Variants in SLCO3A1 observed in about 807,000 individuals in gnomAD.
SLCO3A1 encodes PGE1 transporter.
SLCO3A1 carries 27 observed loss-of-function variants against 63.1 expected under a neutral mutation model. The ratio of observed to expected loss-of-function variants is 0.43; its 90% confidence interval spans 0.32 to 0.59. SLCO3A1 has a LOEUF of 0.59. Among genes scored for constraint, SLCO3A1 ranks in the 20% least tolerant of loss-of-function variants. SLCO3A1 has a pLI of 0.09. For missense variants in SLCO3A1, 773 were observed against 945.8 expected (o/e 0.82, Z 2.40); for synonymous variants, 473 against 409.9 (o/e 1.15, Z -1.86).
rs760689488 is a variant in SLCO3A1, at chr15:92,104,283, C to G, written c.750C>G (p.Asn250Lys). 6.2e-7 allele frequency: 1 copy of G among 1,614,118 alleles called. No homozygotes were observed. Among genetic ancestry groups the G allele is most frequent in the South Asian group, 1.1e-5 (1 of 91,076 alleles). Residue 250 changes from asparagine to lysine, a missense_variant, in exon 4 of 10, where the codon AAC becomes AAG. Physicochemically the swap from Asn to Lys is moderately conservative, Grantham distance 94. Transcript: ENST00000318445. ...YVDAVFIDTSNLDITPDDPRW... is the reference protein window; with the variant it reads ...YVDAVFIDTSKLDITPDDPRW... ...CTGTGCTCTTTCCATTTACAGGTAACCTGGACATCACTCCGGACGACCCCC... is the reference window on the plus strand; with the variant it reads ...CTGTGCTCTTTCCATTTACAGGTAAGCTGGACATCACTCCGGACGACCCCC...
In SLCO3A1 at chr15:91,954,563, A is replaced by G. The variant is rs1900106424; in HGVS notation, c.646+38105A>G. On this transcript the variant is annotated intron_variant, in intron 2 of 9. Transcript: ENST00000318445. The surrounding 1 kb of genome is among the most constrained non-coding windows in gnomAD (Gnocchi z 4.7). ...AGGTGCCCCGCAGGCTTTCCTGAGA[A>G]GTGAATCCAGGCGCAGAAGGAAGAG... is the stretch of plus-strand genomic sequence containing the variant. Among the ~76,000 whole-genome samples the G allele has an allele frequency of 6.6e-6, 1 of 152,196 alleles. No individual in the cohort carries two copies. Among genetic ancestry groups the G allele is most frequent in the African/African-American group, 2.4e-5 (1 of 41,454 alleles).
At chr15:92,120,000 T>C (rs989244260) in intron 4 of SLCO3A1, among the ~76,000 whole-genome samples, 8 of 151,658 alleles carry the variant, frequency 5.3e-5, no homozygotes, top group African/African-American at 7.3e-5. Flanking sequence ...TTCTTACACA[T>C]ATATATATAT....
At chr15:92,023,029 G>A (rs534270518) in intron 2 of SLCO3A1, among the ~76,000 whole-genome samples, 5 of 152,260 alleles carry the variant, frequency 3.3e-5, no homozygotes, top group South Asian at 2.1e-4. Context: ...CAGCAAAACC[G>A]TTCACTTTAC....
At chr15:92,141,879 C>A (rs1297437360) in intron 7 of SLCO3A1, among the ~76,000 whole-genome samples, 1 of 152,190 alleles carries the variant, frequency 6.6e-6, no homozygotes, top group Non-Finnish European at 1.5e-5. Context: ...TGCCATCTGA[C>A]CACAACTGCA....
intron 4 of SLCO3A1, among the ~76,000 whole-genome samples, chr15:92,114,093 G>A (rs1596113005): frequency 1.3e-5 from 2 of 152,288 alleles, no homozygotes; most frequent in African/African-American, 2.4e-5. Flanking sequence ...GTCAGAGCTG[G>A]TCCTCCTGCA....
At chr15:91,919,069 A>T (rs1567185381) in intron 2 of SLCO3A1, among the ~76,000 whole-genome samples, 1 of 152,232 alleles carries the variant, frequency 6.6e-6, no homozygotes, top group Admixed American at 6.5e-5. Flanking sequence ...AATGATCAAC[A>T]TGCACAGCTC....
At chr15:92,084,504 C>A (rs1357588059) in intron 2 of SLCO3A1, among the ~76,000 whole-genome samples, 3 of 152,174 alleles carry the variant, frequency 2.0e-5, no homozygotes, top group Admixed American at 6.5e-5. Context: ...GCCTTGACAC[C>A]GATCCTCCCT....
intron 7 of SLCO3A1, among the ~76,000 whole-genome samples, chr15:92,137,435 C>G (rs1354810127): frequency 1.0e-5 from 1 of 98,138 alleles, no homozygotes; most frequent in African/African-American, 6.0e-5. Context: ...AATAAACATA[C>G]GTGTGCATGT....
chr15:92,147,209 T>C lies in SLCO3A1; in HGVS notation c.1688+50T>C, dbSNP rs75076117. On this transcript the variant is annotated intron_variant, in intron 8 of 9. Transcript: ENST00000318445. The stretch of plus-strand genomic sequence containing the variant: ...TCTCCTCCTTTCCACCTGGTGTTCA[T>C]CTGCAGGCCTCCTAGGGACCAGAGC... The C allele has an allele frequency of 3.4e-4, 534 of 1,548,752 alleles. 1 individual carries two copies. In the African/African-American group the frequency reaches 6.6e-3, roughly 19 times the overall value.
At chr15:91,966,732 A>G (rs1371843145) in intron 2 of SLCO3A1, among the ~76,000 whole-genome samples, 1 of 152,232 alleles carries the variant, frequency 6.6e-6, no homozygotes, top group Non-Finnish European at 1.5e-5. Flanking sequence ...GTGTATTAGA[A>G]TGTCTCAGCA....
intron 2 of SLCO3A1, among the ~76,000 whole-genome samples, chr15:92,063,864 C>A (rs1387638454): frequency 2.0e-5 from 3 of 152,094 alleles, no homozygotes; most frequent in East Asian, 1.9e-4. Context: ...AGCAAACAAA[C>A]AAAAAAATCA....
intron 2 of SLCO3A1, among the ~76,000 whole-genome samples, chr15:92,079,637 C>T (rs1199630095): frequency 3.9e-5 from 6 of 152,222 alleles, no homozygotes; most frequent in African/African-American, 1.4e-4. Context: ...CTGAGGTTCC[C>T]GCGGCCAGGG....
intron 2 of SLCO3A1, among the ~76,000 whole-genome samples, chr15:91,973,941 C>T (rs1815945071): frequency 6.6e-6 from 1 of 152,168 alleles, no homozygotes; most frequent in African/African-American, 2.4e-5. Context: ...TCATTCCTGG[C>T]TCAAAATTCA....
chr15:92,129,820 A>G (rs1263057653), intron 7 of SLCO3A1, among the ~76,000 whole-genome samples: 1 of 142,984 alleles, frequency 7.0e-6, no homozygotes, highest in African/African-American at 2.6e-5. Flanking sequence ...TGTGTTTAGC[A>G]TTTAGATTCC....
At chr15:92,079,299 T>C (rs941714575) in intron 2 of SLCO3A1, among the ~76,000 whole-genome samples, 1 of 152,192 alleles carries the variant, frequency 6.6e-6, no homozygotes, top group Non-Finnish European at 1.5e-5. Context: ...ACTCTGGTCT[T>C]GGGAGCTGTG....
At chr15:92,124,978 C>T (rs74703718) in intron 5 of SLCO3A1, among the ~76,000 whole-genome samples, 2,525 of 152,284 alleles carry the variant, frequency 0.017, 73 homozygotes, top group African/African-American at 0.058. Flanking sequence ...TGGCTCATGA[C>T]ATCACTCCTA....
rs1896836838 is a variant in SLCO3A1 at position 91,853,793 on chromosome 15, C to T, written c.-116C>T. The stretch of plus-strand genomic sequence containing the variant: ...AGGACGGGGGCGGCCGCCGCGAACC[C>T]GGGGCGGGGACAGCACGCAGCCTCG... On this transcript the variant is annotated 5_prime_UTR_variant, in exon 1 of 10. Coordinates refer to ENST00000318445, the MANE Select transcript of SLCO3A1 (RefSeq NM_013272.4). The T allele has an allele frequency of 9.9e-7, 1 of 1,010,452 alleles. No homozygotes were observed. 62.6% of individuals were successfully genotyped at this position (1,010,452 alleles called of 1,614,324 possible). A position where few individuals can be genotyped will look rare whatever the true frequency, so the allele number is the denominator to read the frequency against.
At position 92,162,410 on chromosome 15, in the gene SLCO3A1, A is replaced by C. The variant is rs140758091; in HGVS notation, c.1754-346A>C. The C allele has an allele frequency of 5.4e-3, 1,098 of 203,848 alleles. 14 individuals carry two copies. Among genetic ancestry groups the C allele is most frequent in the African/African-American group, 0.024 (1,047 of 42,744 alleles). 12.6% of individuals were successfully genotyped at this position (203,848 alleles called of 1,614,324 possible). A position where few individuals can be genotyped will look rare whatever the true frequency, so the allele number is the denominator to read the frequency against. On this transcript the variant is annotated intron_variant, in intron 9 of 9. Transcript: ENST00000318445. ...GGTGATCCACCTGCTTCAGCCTCCCAAAGTGCTGGAATTACAGGTGTGAGC... is the reference window on the plus strand; with the variant it reads ...GGTGATCCACCTGCTTCAGCCTCCCCAAGTGCTGGAATTACAGGTGTGAGC...
intron 9 of SLCO3A1, among the ~76,000 whole-genome samples, chr15:92,154,331 T>TGTAGAGCAAGTTGGGAGTG: frequency 6.6e-6 from 1 of 152,236 alleles, no homozygotes; most frequent in East Asian, 1.9e-4. Flanking sequence ...GAAGAAAGGA[T>TGTAGAGCAAGTTGGGAGTG]GTAGAGCAAG....
Sources: allele counts gnomAD v4.1 joint callset (sites outside exome capture counted in the v4.1 genomes callset), GRCh38; gene constraint gnomAD v4.1.1; non-coding constraint Gnocchi (gnomAD v3.1); transcripts MANE v1.5; gene names NCBI Gene and HGNC (gene_info 2026-07-23, HGNC 2026-07-21).